TNR: variants seen among roughly 807,000 people sequenced by gnomAD.
TNR encodes the protein tenascin-R.
A neutral mutation model predicts 150.4 loss-of-function variants in TNR; 45 were observed. The ratio of observed to expected loss-of-function variants is 0.30; its 90% CI spans 0.24 to 0.38. The LOEUF is 0.38. Among genes scored for constraint, TNR ranks in the 10% least tolerant of loss-of-function variants. The pLI is 1.00. For missense variants in TNR, 1,544 were observed against 1,759.1 expected (o/e 0.88, Z 2.19); for synonymous variants, 687 against 678.4 (o/e 1.01, Z -0.20).
intron 8 of TNR, among the ~76,000 whole-genome samples, chr1:175,380,654 A>G (rs938389925): frequency 3.3e-5 from 5 of 151,768 alleles, no homozygotes; most frequent in South Asian, 2.1e-4. Context: ...TCCATCAACC[A>G]CAATGCTTGT....
chr1:175,665,258 T>C (rs936743777), intron 1 of TNR, among the ~76,000 whole-genome samples: 1 of 152,192 alleles, frequency 6.6e-6, no homozygotes, highest in Non-Finnish European at 1.5e-5. Context: ...ATTTCTAAAG[T>C]GTCTTTGAGT....
In TNR at chr1:175,717,516, G is replaced by A. The variant is rs115765143; in HGVS notation, c.-165+25710C>T. On this transcript the variant is annotated intron_variant, in intron 1 of 22. Transcript: ENST00000367674. ...TTTGCCCTTCATGTTGTTTAACAGT[G>A]GCTTGGACAAATTAAGTGCTTAATA... Among the ~76,000 whole-genome samples, 1,049 of 152,232 alleles carry A rather than the reference G, an allele frequency of 6.9e-3. 15 individuals carry two copies. Among genetic ancestry groups the A allele is most frequent in the African/African-American group, 0.024 (993 of 41,544 alleles).
At chr1:175,702,089 T>C (rs1666713668) in intron 1 of TNR, among the ~76,000 whole-genome samples, 1 of 152,190 alleles carries the variant, frequency 6.6e-6, no homozygotes, top group Non-Finnish European at 1.5e-5. Context: ...CAAGTCAAAT[T>C]ACTTATTTTC....
At chr1:175,359,388 C>T (rs544155227) in intron 15 of TNR, among the ~76,000 whole-genome samples, 61 of 152,054 alleles carry the variant, frequency 4.0e-4, no homozygotes, top group African/African-American at 1.1e-3. Context: ...TCAAGTGATC[C>T]GCCTGCCTTG....
intron 9 of TNR, among the ~76,000 whole-genome samples, chr1:175,368,710 G>A (rs1651948424): frequency 6.6e-6 from 1 of 152,218 alleles, no homozygotes. Flanking sequence ...AACACTTTGG[G>A]AGGCCAAGGC....
intron 20 of TNR, among the ~76,000 whole-genome samples, chr1:175,331,146 CCTTT>C (rs1490776354): frequency 3.1e-5 from 3 of 96,856 alleles, no homozygotes; most frequent in Admixed American, 2.3e-4. Context: ...TTTCTTTCTT[CCTTT>C]CTTTCTTTTT....
intron 2 of TNR, among the ~76,000 whole-genome samples, chr1:175,426,770 A>AT (rs201401135): frequency 0.17 from 24,255 of 144,822 alleles, 3,777 homozygotes; most frequent in East Asian, 0.44. Flanking sequence ...GTGTGTGTAT[A>AT]AATATATATA....
At chr1:175,396,059 G>C (rs1034980903) in intron 5 of TNR, among the ~76,000 whole-genome samples, 4 of 152,186 alleles carry the variant, frequency 2.6e-5, no homozygotes, top group Admixed American at 6.5e-5. Flanking sequence ...AGGAAATTAT[G>C]CCACCTCTCT....
intron 1 of TNR, among the ~76,000 whole-genome samples, chr1:175,728,985 G>A (rs1667553180): frequency 6.6e-6 from 1 of 152,280 alleles, no homozygotes. Flanking sequence ...CAGAGCCTGG[G>A]AGAGGTGTTT....
At chr1:175,728,189 C>T (rs758262633) in intron 1 of TNR, among the ~76,000 whole-genome samples, 1 of 152,018 alleles carries the variant, frequency 6.6e-6, no homozygotes, top group Non-Finnish European at 1.5e-5. Flanking sequence ...CTCTAAGCCT[C>T]GTAAGGTGAG....
intron 1 of TNR, among the ~76,000 whole-genome samples, chr1:175,641,656 C>T (rs930487947): frequency 6.6e-6 from 1 of 152,038 alleles, no homozygotes; most frequent in African/African-American, 2.4e-5. Flanking sequence ...AATAAACTTC[C>T]CAAGTCTGAC....
In TNR at chr1:175,480,419, A is replaced by AAAAGAAAGAAAG. The variant is rs200828309; in HGVS notation, c.-64+47838_-64+47849dup. On this transcript the variant is annotated intron_variant, in intron 2 of 22. Transcript: ENST00000367674. The stretch of plus-strand genomic sequence containing the variant: ...AAAGAAAGAAAAAAGAAAGAAAGAA[A>AAAAGAAAGAAAG]AAAGAAAGAAAGAAAGAAAGAAAGA... Among the ~76,000 whole-genome samples the AAAAGAAAGAAAG allele has an allele frequency of 3.4e-3, 373 of 111,026 alleles. 3 individuals carry two copies. The highest frequency in any genetic ancestry group is 8.2e-3 in the African/African-American group (291 of 35,292). 72.8% of individuals were successfully genotyped at this position (111,026 alleles called of 152,430 possible).
At position 175,541,315 on chromosome 1, in the gene TNR, G is replaced by T. The variant is rs114180672; in HGVS notation, c.-164-12946C>A. ...ATAAGTATTAAACTAAAGCAGGAAGGCTTAGGGCTCCCCATGGCAGCTCCC... is the reference window on the plus strand; with the variant it reads ...ATAAGTATTAAACTAAAGCAGGAAGTCTTAGGGCTCCCCATGGCAGCTCCC... On this transcript the variant is annotated intron_variant, in intron 1 of 22. Coordinates refer to ENST00000367674, the MANE Select transcript of TNR (RefSeq NM_003285.3). Among the ~76,000 whole-genome samples the T allele has an allele frequency of 3.3e-3, 505 of 152,328 alleles. 3 individuals carry two copies. The highest frequency in any genetic ancestry group is 0.012 in the African/African-American group (481 of 41,580).
At chr1:175,738,940 C>A (rs1350347981) in intron 1 of TNR, among the ~76,000 whole-genome samples, 1 of 152,222 alleles carries the variant, frequency 6.6e-6, no homozygotes, top group African/African-American at 2.4e-5. Flanking sequence ...TATCTCTGCG[C>A]TTCTGCCGAA....
rs1286472411 is a variant in TNR, at chr1:175,426,924, A to AAT, written c.-63-20149_-63-20148dup. ...AAATATATTATATATATAAAATATA[A>AAT]ATATATATAAAATATATTATATATA... On this transcript the variant is annotated intron_variant, in intron 2 of 22. Coordinates refer to ENST00000367674, the MANE Select transcript of TNR (RefSeq NM_003285.3). Among the ~76,000 whole-genome samples the AAT allele has an allele frequency of 2.4e-5, 2 of 85,094 alleles. 1 individual carries two copies. The highest frequency in any genetic ancestry group is 4.6e-5 in the Non-Finnish European group (2 of 43,314). 55.8% of individuals were successfully genotyped at this position (85,094 alleles called of 152,430 possible). A position where few individuals can be genotyped will look rare whatever the true frequency, so the allele number is the denominator to read the frequency against.
At chr1:175,370,248 CAA>C (rs1303411646) in intron 9 of TNR, among the ~76,000 whole-genome samples, 3 of 149,324 alleles carry the variant, frequency 2.0e-5, no homozygotes, top group Non-Finnish European at 3.0e-5. Flanking sequence ...TTATATGAGT[CAA>C]AGTGTTTAAA....
intron 1 of TNR, among the ~76,000 whole-genome samples, chr1:175,627,375 C>A (rs1248777128): frequency 6.6e-6 from 1 of 152,118 alleles, no homozygotes; most frequent in Non-Finnish European, 1.5e-5. Flanking sequence ...GTTCTGTCTG[C>A]CTCACAGCAT....
chr1:175,654,719 C>CTTTTTTTTTT (rs36087120), intron 1 of TNR, among the ~76,000 whole-genome samples: 1 of 74,734 alleles, frequency 1.3e-5, no homozygotes, highest in Non-Finnish European at 2.4e-5. Flanking sequence ...AAGTTCCCTT[C>CTTTTTTTTTT]TTTTTTTTTT....
intron 2 of TNR, among the ~76,000 whole-genome samples, chr1:175,406,994 G>C (rs1653995098): frequency 6.6e-6 from 1 of 152,180 alleles, no homozygotes; most frequent in African/African-American, 2.4e-5. Context: ...ATACTATTTT[G>C]TTTTCTCAAA....
Sources: gnomAD v4.1 joint callset for allele counts (sites outside exome capture counted in the v4.1 genomes callset) on GRCh38, gnomAD v4.1.1 for gene constraint, MANE v1.5 for transcripts, NCBI Gene and HGNC (gene_info 2026-07-23, HGNC 2026-07-21) for gene names.